Variants in ISM1 observed in about 807,000 individuals in gnomAD.
ISM1 encodes isthmin-1.
In ISM1, 25 loss-of-function variants were observed where a neutral mutation model predicts 46.3. The ratio of observed to expected loss-of-function variants is 0.54; its 90% CI spans 0.39 to 0.75. The LOEUF (loss-of-function observed/expected upper bound fraction) is 0.75, where lower values mean the gene tolerates loss of function less well. Among genes scored for constraint, ISM1 ranks in the 30% least tolerant of loss-of-function variants. The pLI is 0.00. For missense variants in ISM1, 536 were observed against 625.4 expected (o/e 0.86, Z 1.52); for synonymous variants, 255 against 256.7 (o/e 0.99, Z 0.06).
At chr20:13,265,150 T>C (rs1373315819) in intron 1 of ISM1, among the ~76,000 whole-genome samples, 1 of 152,196 alleles carries the variant, frequency 6.6e-6, no homozygotes, top group Admixed American at 6.5e-5. Context: ...TTTGGATCTA[T>C]AAACCACAGC....
chr20:13,238,888 G>C (rs1309835850), intron 1 of ISM1: 1 of 152,206 alleles, frequency 6.6e-6, no homozygotes, highest in Non-Finnish European at 1.5e-5. Context: ...CTCCTGAAAA[G>C]GTTCAGCTCT....
the ISM1 span, among the ~76,000 whole-genome samples, chr20:13,308,434 C>G: frequency 6.6e-6 from 1 of 152,052 alleles, no homozygotes. Context: ...AAACTCTTAC[C>G]ATCACCGCTT....
the ISM1 span, among the ~76,000 whole-genome samples, chr20:13,322,641 G>A: frequency 6.6e-6 from 1 of 152,188 alleles, no homozygotes; most frequent in Admixed American, 6.5e-5. Flanking sequence ...GACCCAGGGA[G>A]GGACCCAGTG....
intron 1 of ISM1, among the ~76,000 whole-genome samples, chr20:13,258,880 G>A (rs73901621): frequency 0.012 from 1,829 of 152,212 alleles, 31 homozygotes; most frequent in African/African-American, 0.041. Flanking sequence ...TACTGGTTCC[G>A]GCTTGTCAGT....
intron 1 of ISM1, among the ~76,000 whole-genome samples, chr20:13,258,279 G>A (rs1199629528): frequency 6.6e-6 from 1 of 151,934 alleles, no homozygotes; most frequent in African/African-American, 2.4e-5. Context: ...GGAAATGAAC[G>A]CCCACCTTAC....
Position 13,221,784 on chromosome 20 carries a change from G to T in ISM1, c.8G>T (p.Arg3Leu), listed in dbSNP as rs1204841760. 3 of 1,448,780 alleles carry T rather than the reference G, an allele frequency of 2.1e-6. No individual in the cohort carries two copies. The highest frequency in any genetic ancestry group is 2.7e-6 in the Non-Finnish European group (3 of 1,105,986). The allele number at this position is 1,448,780 out of a possible 1,614,324, so 89.7% of individuals were successfully genotyped here. A position where few individuals can be genotyped will look rare whatever the true frequency, so the allele number is the denominator to read the frequency against. The change falls in exon 1 of 6, where the codon CGC becomes CTC. Residue 3 changes from arginine (R) to leucine (L), a missense_variant. By Grantham distance (102) the Arg-to-Leu change is moderately radical (BLOSUM62 -2). Coordinates refer to ENST00000262487, the MANE Select transcript of ISM1 (RefSeq NM_080826.2). ...GCCGCGCGTCTCAAAAGGATGGTGC[G>T]CCTGGCGGCCGAGCTGCTGCTGCTG... is the stretch of plus-strand genomic sequence containing the variant. MV[R>L]LAAELLLLLG...
intron 1 of ISM1, among the ~76,000 whole-genome samples, chr20:13,254,234 A>AAAATAAATAAAT (rs145810710): frequency 1.3e-5 from 2 of 150,728 alleles, no homozygotes; most frequent in Non-Finnish European, 2.9e-5. Flanking sequence ...CTCCATCTCA[A>AAAATAAATAAAT]AAATAAATAA....
At chr20:13,255,904 A>C (rs982478955) in intron 1 of ISM1, among the ~76,000 whole-genome samples, 1 of 146,028 alleles carries the variant, frequency 6.8e-6, no homozygotes, top group African/African-American at 2.6e-5. Flanking sequence ...CATTCAGAGG[A>C]TATTTAGTAA....
At chr20:13,266,481 A>C (rs2040044368) in intron 1 of ISM1, among the ~76,000 whole-genome samples, 1 of 152,190 alleles carries the variant, frequency 6.6e-6, no homozygotes, top group South Asian at 2.1e-4. Context: ...CAGCTCTGAA[A>C]TTATAGTCAC....
chr20:13,282,667 T>G (rs1478994799), intron 3 of ISM1, among the ~76,000 whole-genome samples: 1 of 152,176 alleles, frequency 6.6e-6, no homozygotes, highest in East Asian at 1.9e-4. Flanking sequence ...CCTAGTATCT[T>G]CCCCATCATT....
chr20:13,235,765 C>T (rs192508616), intron 1 of ISM1, among the ~76,000 whole-genome samples: 112 of 152,204 alleles, frequency 7.4e-4, no homozygotes, highest in African/African-American at 2.6e-3. Context: ...CCTGCAAATA[C>T]GTTATTCATC....
intron 1 of ISM1, among the ~76,000 whole-genome samples, chr20:13,233,421 C>A (rs1166144251): frequency 6.6e-6 from 1 of 151,822 alleles, no homozygotes; most frequent in African/African-American, 2.4e-5. Flanking sequence ...CATGGAGAAA[C>A]CCCATCTCTA....
chr20:13,237,937 T>G (rs2039670933), intron 1 of ISM1: 1 of 152,106 alleles, frequency 6.6e-6, no homozygotes, highest in Non-Finnish European at 1.5e-5. Flanking sequence ...TGTTACAACA[T>G]CAAAGACCAA....
the ISM1 span, among the ~76,000 whole-genome samples, chr20:13,307,985 T>C: frequency 6.6e-6 from 1 of 152,224 alleles, no homozygotes; most frequent in East Asian, 1.9e-4. Context: ...TAGTTGATAC[T>C]GCCCAGTAGT....
chr20:13,322,789 G>GC, the ISM1 span, among the ~76,000 whole-genome samples: 4 of 152,104 alleles, frequency 2.6e-5, no homozygotes, highest in African/African-American at 9.7e-5. Flanking sequence ...CGAGATCAAA[G>GC]CAAGGGGCTT....
At chr20:13,266,755 A>G (rs1302885096) in intron 1 of ISM1, among the ~76,000 whole-genome samples, 2 of 152,210 alleles carry the variant, frequency 1.3e-5, no homozygotes, top group African/African-American at 2.4e-5. Flanking sequence ...TCATTTTCAG[A>G]GAAGAATGTT....
At chr20:13,224,098 A>G (rs2039485108) in intron 1 of ISM1, among the ~76,000 whole-genome samples, 1 of 152,122 alleles carries the variant, frequency 6.6e-6, no homozygotes, top group African/African-American at 2.4e-5. Context: ...TTATGCTCCT[A>G]GAAATATCTT....
intron 5 of ISM1, among the ~76,000 whole-genome samples, chr20:13,294,539 A>T (rs557684682): frequency 6.6e-6 from 1 of 152,340 alleles, no homozygotes; most frequent in South Asian, 2.1e-4. Flanking sequence ...ACAAAGCCAC[A>T]TTGGCATGTG....
chr20:13,256,030 G>A (rs2039925333), intron 1 of ISM1, among the ~76,000 whole-genome samples: 1 of 151,946 alleles, frequency 6.6e-6, no homozygotes, highest in Admixed American at 6.6e-5. Context: ...CAAGCAGCCA[G>A]TAGGAGAGCA....
Sources: allele counts gnomAD v4.1 joint callset (sites outside exome capture counted in the v4.1 genomes callset), GRCh38; gene constraint gnomAD v4.1.1; transcripts MANE v1.5; gene names NCBI Gene and HGNC (gene_info 2026-07-23, HGNC 2026-07-21).